The following PPOX variants were observed in gnomAD, a reference collection of about 807,000 sequenced individuals.
PPOX encodes variegate porphyria.
In PPOX, 23 loss-of-function variants were observed where a neutral mutation model predicts 54.1. The observed-to-expected ratio is 0.43, with a 90% CI of 0.31 to 0.60. The LOEUF (loss-of-function observed/expected upper bound fraction) is 0.60. PPOX is among the 20% of genes least tolerant of loss of function. The probability of loss-of-function intolerance (pLI) is 0.13; values close to 1 mark genes in which losing one functional copy is unlikely to be tolerated. For synonymous variants in PPOX, 224 were observed against 236.1 expected (o/e 0.95, Z 0.47); for missense variants, 512 against 601.1 (o/e 0.85, Z 1.55).
upstream of PPOX, chr1:161,166,020 C>A: frequency 1.1e-6 from 1 of 911,878 alleles, no homozygotes; most frequent in Non-Finnish European, 1.3e-6. Flanking sequence ...TGCCGGGCGG[C>A]CCTAGCTCCC....
chr1:161,177,017 C>G (rs1571544826), exon 5 of PPOX: 4 of 1,534,810 alleles, frequency 2.6e-6, no homozygotes, highest in Non-Finnish European at 3.5e-6. Flanking sequence ...CGAACAGCCC[C>G]GGAGCTCGGC....
downstream of PPOX, chr1:161,175,844 C>A: frequency 6.2e-7 from 1 of 1,614,126 alleles, no homozygotes; most frequent in Non-Finnish European, 8.5e-7. Context: ...TAGGGCAGAC[C>A]TTGAGGAGCT....
At chr1:161,170,790 C>T in intron 11 of PPOX, 21 bp downstream of exon 11, 2 of 1,614,092 alleles carry the variant, frequency 1.2e-6, no homozygotes, top group South Asian at 1.1e-5. Context: ...ATAAACTTCC[C>T]TCAGCTCTCC....
At chr1:161,174,982 AT>A (rs1342450075), downstream of PPOX, 1 of 1,612,026 alleles carries the variant, frequency 6.2e-7, no homozygotes, top group Non-Finnish European at 8.5e-7. Flanking sequence ...TGAGGTGGAG[AT>A]TGGGGGTACC....
chr1:161,169,314 GCTACC>G, intron 7 of PPOX, 131 bp downstream of exon 7: 1 of 1,098,094 alleles, frequency 9.1e-7, no homozygotes, highest in Non-Finnish European at 1.3e-6. Context: ...TTAGACATGG[GCTACC>G]CCAGAATCCT....
At chr1:161,172,649 A>G (rs1396641123), downstream of PPOX, among the ~76,000 whole-genome samples, 1 of 151,790 alleles carries the variant, frequency 6.6e-6, no homozygotes. Context: ...CATTCTGTCA[A>G]AAGAATAAGA....
At chr1:161,176,825 A>G (rs1172930919) in intron 4 of PPOX, 3 of 1,528,334 alleles carry the variant, frequency 2.0e-6, no homozygotes, top group Non-Finnish European at 2.6e-6. Flanking sequence ...CAGGACAGCT[A>G]ATGGAAACAT....
Position 161,169,136 on chromosome 1 carries a change from G to C in PPOX, c.760G>C (p.Gly254Arg). Residue 254 changes from glycine to arginine, a missense_variant, in exon 7 of 13, where the codon GGC becomes CGC. By Grantham distance (125) the Gly-to-Arg change is moderately radical. Coordinates refer to ENST00000367999, the MANE Select transcript of PPOX (RefSeq NM_001122764.3). Reference protein sequence around the residue: ...LTSRGVSVLRGQPVCGLSLQA... With the variant: ...LTSRGVSVLRRQPVCGLSLQA... ...TAGTAGGGGGGTCAGTGTTCTCAGA[G>C]GCCAGCCGGTCTGTGGGCTCAGCCT... is the stretch of plus-strand genomic sequence containing the variant. 6.2e-7 allele frequency: 1 copy of C among 1,614,172 alleles called. No homozygotes were observed. Among genetic ancestry groups the C allele is most frequent in the Non-Finnish European group, 8.5e-7 (1 of 1,180,042 alleles).
chr1:161,175,200 T>C, downstream of PPOX: 1 of 1,613,708 alleles, frequency 6.2e-7, no homozygotes, highest in Non-Finnish European at 8.5e-7. Context: ...GTGATGGCAC[T>C]GGGCTAAAGG....
At chr1:161,175,709 C>T (rs796508679), downstream of PPOX, 14 of 1,530,936 alleles carry the variant, frequency 9.1e-6, no homozygotes, top group African/African-American at 1.5e-4. Flanking sequence ...CTATCCTCTT[C>T]TAAGTTCCAC....
At chr1:161,176,787 C>T (rs1663703963) in intron 4 of PPOX, 1 of 1,433,068 alleles carries the variant, frequency 7.0e-7, no homozygotes, top group Non-Finnish European at 9.5e-7. Context: ...GTACCCCCAC[C>T]CCAACAGGAC....
intron 5 of PPOX, 134 bp from the exon 6 acceptor site, chr1:161,168,298 A>C (rs1281644302): frequency 6.4e-7 from 1 of 1,560,496 alleles, no homozygotes; most frequent in Non-Finnish European, 8.8e-7. Flanking sequence ...GAAGGCCTTC[A>C]TTTCCATCCG....
downstream of PPOX, among the ~76,000 whole-genome samples, chr1:161,174,440 A>C (rs1302851906): frequency 6.6e-6 from 1 of 152,084 alleles, no homozygotes; most frequent in Admixed American, 6.6e-5. Flanking sequence ...TAAAAGTGAA[A>C]AGAGGGAAAT....
At chr1:161,168,355 C>T in intron 5 of PPOX, 77 bp from the exon 6 acceptor site, 1 of 1,596,480 alleles carries the variant, frequency 6.3e-7, no homozygotes, top group Non-Finnish European at 8.6e-7. Flanking sequence ...CACCCTCATT[C>T]CCTACCAAAT....
chr1:161,175,146 G>GC, downstream of PPOX: 1 of 1,613,870 alleles, frequency 6.2e-7, no homozygotes. Flanking sequence ...GGCGGTACCG[G>GC]CCCCCTGGTT....
Position 161,166,869 on chromosome 1 carries a change from C to A in PPOX, c.22C>A (p.Leu8Met). The change falls in exon 2 of 13, where the codon CTG (leucine) becomes ATG (methionine). Residue 8 changes from leucine (L) to methionine (M), a missense_variant. Transcript: ENST00000367999. ...CCGCATGGGCCGGACCGTGGTCGTG[C>A]TGGGCGGAGGCATCAGCGGCTTGGC... MGRTVVV[L>M]GGGISGLAAS... is the part of the protein sequence containing the mutation. The A allele has an allele frequency of 6.2e-7, 1 of 1,613,796 alleles. No homozygotes were observed. Among genetic ancestry groups the A allele is most frequent in the Non-Finnish European group, 8.5e-7 (1 of 1,180,040 alleles).
chr1:161,174,976 G>A (rs1662938602), downstream of PPOX: 1 of 1,610,120 alleles, frequency 6.2e-7, no homozygotes, highest in Non-Finnish European at 8.5e-7. Context: ...TCAAAATGAG[G>A]TGGAGATTGG....
At chr1:161,171,362 C>A, downstream of PPOX, 1 of 1,054,642 alleles carries the variant, frequency 9.5e-7, no homozygotes, top group Non-Finnish European at 1.4e-6. Flanking sequence ...GCCCCCTGAG[C>A]CAGGACCAGA....
chr1:161,171,733 C>CT, downstream of PPOX: 2 of 1,541,776 alleles, frequency 1.3e-6, no homozygotes, highest in Non-Finnish European at 8.8e-7. Context: ...TCACATCCCT[C>CT]TGAGAACAGT....
Sources: allele counts gnomAD v4.1 joint callset (sites outside exome capture counted in the v4.1 genomes callset), GRCh38; gene constraint gnomAD v4.1.1; transcripts MANE v1.5; gene names NCBI Gene and HGNC (gene_info 2026-07-23, HGNC 2026-07-21).